KIF6: variants seen among roughly 807,000 people sequenced by gnomAD.
The protein encoded by KIF6 is kinesin family member 6.
KIF6 carries 106 observed loss-of-function variants against 112.7 expected under a neutral mutation model. The observed-to-expected ratio is 0.94, with a 90% CI of 0.80 to 1.11. The LOEUF is 1.11. Among genes scored for constraint, KIF6 ranks in the 50% least tolerant of loss-of-function variants. The pLI, the probability that KIF6 is intolerant of heterozygous loss-of-function variation, is 0.00. For synonymous variants in KIF6, 339 were observed against 339.9 expected (o/e 1.00, Z 0.03); for missense variants, 929 against 964.0 (o/e 0.96, Z 0.48).
At chr6:39,577,438 T>A (rs753199936) in intron 10 of KIF6, among the ~76,000 whole-genome samples, 12 of 152,232 alleles carry the variant, frequency 7.9e-5, no homozygotes, top group Non-Finnish European at 1.8e-4. Flanking sequence ...CAACACATGC[T>A]TAATAAGCAG....
chr6:39,468,028 T>A (rs1345439752), intron 13 of KIF6, among the ~76,000 whole-genome samples: 1 of 152,138 alleles, frequency 6.6e-6, no homozygotes, highest in Non-Finnish European at 1.5e-5. Flanking sequence ...AAATTATTTT[T>A]AAAAACCAAA....
chr6:39,577,924 G>T, intron 10 of KIF6, 132 bp downstream of exon 10: 1 of 590,564 alleles, frequency 1.7e-6, no homozygotes. Flanking sequence ...CTTAACTGGC[G>T]CCTAAATGCA....
chr6:39,463,623 A>ATCTC (rs1197359561), intron 13 of KIF6, among the ~76,000 whole-genome samples: 3 of 152,228 alleles, frequency 2.0e-5, no homozygotes, highest in Non-Finnish European at 4.4e-5. Context: ...CTGAGTAATT[A>ATCTC]AAAATTCCTC....
chr6:39,450,302 A>G (rs1772604410), intron 13 of KIF6, among the ~76,000 whole-genome samples: 1 of 152,222 alleles, frequency 6.6e-6, no homozygotes, highest in Non-Finnish European at 1.5e-5. Flanking sequence ...GCTATCTAGG[A>G]AAGTTTCAGA....
chr6:39,485,574 G>A lies in KIF6; in HGVS notation c.1646-54413C>T, dbSNP rs558644986. 3.3e-5 allele frequency among the ~76,000 whole-genome samples: 5 copies of A among 152,220 alleles called. No individual in the cohort carries two copies. The South Asian group carries it at 6.2e-4, about 19-fold the overall frequency. ...GAATCCATAAAATCTGTAGTTTAGC[G>A]ATTCTCAAGTGAAGAGATTGACAAA... On this transcript the variant is annotated intron_variant, in intron 13 of 22. Transcript: ENST00000287152.
chr6:39,496,825 A>G (rs2150484839), intron 13 of KIF6, among the ~76,000 whole-genome samples: 1 of 152,374 alleles, frequency 6.6e-6, no homozygotes, highest in East Asian at 1.9e-4. Context: ...ACTCATCTTT[A>G]TATTTTCAAG....
intron 13 of KIF6, among the ~76,000 whole-genome samples, chr6:39,451,696 T>A (rs1291530192): frequency 6.6e-6 from 1 of 152,054 alleles, no homozygotes; most frequent in African/African-American, 2.4e-5. Context: ...CCAGAAAACT[T>A]GGGTTAGGGA....
intron 14 of KIF6, among the ~76,000 whole-genome samples, chr6:39,425,685 T>C (rs1294542269): frequency 1.3e-5 from 2 of 151,278 alleles, no homozygotes; most frequent in Non-Finnish European, 2.9e-5. Context: ...TTTTTTTTTT[T>C]TCCTGTGGCC....
intron 5 of KIF6, among the ~76,000 whole-genome samples, chr6:39,633,411 G>A (rs1205178886): frequency 6.6e-6 from 1 of 152,102 alleles, no homozygotes; most frequent in Non-Finnish European, 1.5e-5. Flanking sequence ...TACAGTCTTA[G>A]GTAAGTTATT....
intron 6 of KIF6, among the ~76,000 whole-genome samples, chr6:39,603,690 T>C (rs1309382709): frequency 6.6e-6 from 1 of 152,114 alleles, no homozygotes; most frequent in Admixed American, 6.6e-5. Flanking sequence ...CTCTTGTGGA[T>C]GTTTGTAAAA....
At chr6:39,652,903 A>T (rs564652162) in intron 3 of KIF6, among the ~76,000 whole-genome samples, 1 of 152,274 alleles carries the variant, frequency 6.6e-6, no homozygotes, top group African/African-American at 2.4e-5. Context: ...TAATAATCAG[A>T]TATGTTTGGT....
At chr6:39,581,321 C>A (rs73424515) in intron 9 of KIF6, among the ~76,000 whole-genome samples, 4,104 of 151,958 alleles carry the variant, frequency 0.027, 164 homozygotes, top group African/African-American at 0.088. Context: ...GTGCCTGCCA[C>A]CATGCTCGGC....
intron 6 of KIF6, among the ~76,000 whole-genome samples, chr6:39,602,963 G>A (rs1273343850): frequency 6.6e-6 from 1 of 152,172 alleles, no homozygotes; most frequent in East Asian, 1.9e-4. Flanking sequence ...TGCGCATATA[G>A]ACAGTCATTA....
chr6:39,343,445 GAC>G lies in KIF6; in HGVS notation c.2428+262_2428+263del. 6 of 1,433,430 alleles carry G rather than the reference GAC, an allele frequency of 4.2e-6. No homozygotes were observed. The highest frequency in any genetic ancestry group is 3.7e-6 in the Non-Finnish European group (4 of 1,081,680). The allele number at this position is 1,433,430 out of a possible 1,614,324, so 88.8% of individuals were successfully genotyped here. On this transcript the variant is annotated intron_variant, in intron 22 of 22. Coordinates refer to ENST00000287152, the MANE Select transcript of KIF6 (RefSeq NM_145027.6). This position sits in a 1 kb window ranked among gnomAD's most constrained non-coding sequence, Gnocchi z 4.1. ...ACAAAGGAGCTGAAGATCTGGAAGAGACAGAGAGCAAGCTCTGCCAAGAGGGA... is the reference window on the plus strand; with the variant it reads ...ACAAAGGAGCTGAAGATCTGGAAGAGAGAGAGCAAGCTCTGCCAAGAGGGA...
At chr6:39,714,484 G>C (rs552460586) in intron 3 of KIF6, among the ~76,000 whole-genome samples, 1 of 152,080 alleles carries the variant, frequency 6.6e-6, no homozygotes, top group African/African-American at 2.4e-5. Context: ...ATTTTGCTGC[G>C]TTATTTTGTT....
chr6:39,672,555 G>T (rs370134974), intron 3 of KIF6, among the ~76,000 whole-genome samples: 18 of 152,234 alleles, frequency 1.2e-4, no homozygotes, highest in African/African-American at 4.3e-4. Flanking sequence ...GTCAGCTTGG[G>T]TTGCCATAAC....
At chr6:39,511,414 A>ATGG (rs1223147900) in intron 13 of KIF6, among the ~76,000 whole-genome samples, 1 of 152,218 alleles carries the variant, frequency 6.6e-6, no homozygotes, top group African/African-American at 2.4e-5. Context: ...ACCAGTTAGA[A>ATGG]TGGTGACCAT....
intron 4 of KIF6, 96 bp downstream of exon 4, chr6:39,639,514 A>G: frequency 9.9e-7 from 1 of 1,006,708 alleles, no homozygotes; most frequent in Non-Finnish European, 1.4e-6. Context: ...TATCATTTAG[A>G]CACAATAAAA....
In KIF6 at chr6:39,596,150, G is replaced by T; in HGVS notation, c.750C>A (p.Asp250Glu). The change falls in exon 7 of 23, where the codon GAC becomes GAA. Residue 250 changes from aspartate (D) to glutamate (E), a missense_variant. Physicochemically the swap from Asp to Glu is conservative, Grantham distance 45. Transcript: ENST00000287152. ...TVRHAKLHLV[D>E]LAGSERVAKT... is the part of the protein sequence containing the mutation. ...TTGCAACTCGCTCTGAACCAGCCAGGTCAACCAGATGGAGTTTGGCATGTC... is the reference window on the plus strand; with the variant it reads ...TTGCAACTCGCTCTGAACCAGCCAGTTCAACCAGATGGAGTTTGGCATGTC... The T allele has an allele frequency of 6.2e-7, 1 of 1,613,948 alleles. No individual in the cohort carries two copies. The highest frequency in any genetic ancestry group is 8.5e-7 in the Non-Finnish European group (1 of 1,179,940).
Sources: allele counts gnomAD v4.1 joint callset (sites outside exome capture counted in the v4.1 genomes callset), GRCh38; gene constraint gnomAD v4.1.1; non-coding constraint Gnocchi (gnomAD v3.1); transcripts MANE v1.5; gene names NCBI Gene and HGNC (gene_info 2026-07-23, HGNC 2026-07-21).